The following C2CD5 variants were observed in gnomAD, a reference collection of about 807,000 sequenced individuals.
The protein encoded by C2CD5 is C2 calcium dependent domain containing 5, also known as C2 domain-containing protein 5.
C2CD5 carries 109 observed loss-of-function variants against 130.3 expected under a neutral mutation model. That is an observed-to-expected ratio of 0.84 (90% CI 0.72 to 0.98). The LOEUF (loss-of-function observed/expected upper bound fraction) is 0.98, where lower values mean the gene tolerates loss of function less well. Ranked by LOEUF, C2CD5 falls within the 50% of genes least tolerant of loss-of-function variation. The pLI is 0.00. For missense variants in C2CD5, 996 were observed against 1,261.8 expected (o/e 0.79, Z 3.19); for synonymous variants, 454 against 429.2 (o/e 1.06, Z -0.71).
chr12:22,484,849 A>G lies in C2CD5; in HGVS notation c.1398T>C (p.His466=), dbSNP rs1319569973. 1 of 1,584,554 alleles carries G rather than the reference A, an allele frequency of 6.3e-7. No homozygotes were observed. Residue 466 remains histidine, a synonymous_variant, in exon 13 of 27, where the codon CAT becomes CAC. Transcript: ENST00000446597. ...GCATATTCAGTTCATCATATGGTATATGACAAAATCCACAACGTGTAGGCA... is the reference window on the plus strand; with the variant it reads ...GCATATTCAGTTCATCATATGGTATGTGACAAAATCCACAACGTGTAGGCA... The part of the protein sequence containing the change: ...ENLPTRCGFC[H]IPYDELNMPF...
At chr12:22,472,513 C>T (rs11046438) in intron 17 of C2CD5, 166 bp from the exon 18 acceptor site, 14,755 of 613,100 alleles carry the variant, frequency 0.024, 1,368 homozygotes, top group African/African-American at 0.22. Flanking sequence ...TAAATTATCA[C>T]AGGTTTTTTT....
In C2CD5 at chr12:22,527,718, T is replaced by C. The variant is rs367588553; in HGVS notation, c.349+3A>G. 1.4e-6 allele frequency: 2 copies of C among 1,475,878 alleles called. No individual in the cohort carries two copies. Among genetic ancestry groups the C allele is most frequent in the Non-Finnish European group, 1.9e-6 (2 of 1,077,072 alleles). The allele number at this position is 1,475,878 out of a possible 1,614,324, so 91.4% of individuals were successfully genotyped here. On this transcript the variant is annotated splice_donor_region_variant and intron_variant, in intron 4 of 26. Transcript: ENST00000446597. The stretch of plus-strand genomic sequence containing the variant: ...TTTATAATACTTTCTTATTATTCCT[T>C]ACCATGTATGGTGTCATAAATTGGA...
intron 26 of C2CD5, among the ~76,000 whole-genome samples, chr12:22,451,242 A>G (rs558534662): frequency 1.3e-5 from 2 of 152,314 alleles, no homozygotes; most frequent in Non-Finnish European, 1.5e-5. Flanking sequence ...TAGATACAAA[A>G]TAAAACTACA....
At chr12:22,497,624 T>C (rs978204413) in intron 10 of C2CD5, 2 of 967,932 alleles carry the variant, frequency 2.1e-6, no homozygotes, top group African/African-American at 3.5e-5. Context: ...AAGATAAATT[T>C]CCCCTAATGA....
intron 5 of C2CD5, among the ~76,000 whole-genome samples, chr12:22,525,219 T>C (rs1007809626): frequency 6.6e-6 from 1 of 152,160 alleles, no homozygotes; most frequent in East Asian, 1.9e-4. Context: ...ATCCTACTAC[T>C]GCAGGCGGGC....
chr12:22,469,609 A>G, intron 22 of C2CD5, 100 bp downstream of exon 22: 1 of 603,890 alleles, frequency 1.7e-6, no homozygotes, highest in South Asian at 2.8e-5. Flanking sequence ...ATGAAGGATA[A>G]ATTTTCACCT....
In C2CD5 at chr12:22,509,063, A is replaced by T. The variant is rs1339901043; in HGVS notation, c.1039-2244T>A. 2.0e-5 allele frequency among the ~76,000 whole-genome samples: 3 copies of T among 151,796 alleles called. No individual in the cohort carries two copies. In the East Asian group the frequency reaches 5.8e-4, roughly 29 times the overall value. On this transcript the variant is annotated intron_variant, in intron 9 of 26. Coordinates refer to ENST00000446597, the MANE Select transcript of C2CD5 (RefSeq NM_001286176.2). Reference sequence around the variant, plus strand: ...GGCTAATTTTTTGTATTTTTTTAGTAGAGACGGGGTTTCACCTTGTTAGCC... The same window carrying T: ...GGCTAATTTTTTGTATTTTTTTAGTTGAGACGGGGTTTCACCTTGTTAGCC...
intron 22 of C2CD5, among the ~76,000 whole-genome samples, chr12:22,466,695 C>T (rs995305935): frequency 6.6e-6 from 1 of 152,146 alleles, no homozygotes; most frequent in Non-Finnish European, 1.5e-5. Context: ...TAAATAAGCA[C>T]GCAACACAAA....
In C2CD5 at chr12:22,544,350, G is replaced by A. The variant is rs1565832116; in HGVS notation, c.-60C>T. 8.3e-6 allele frequency: 4 copies of A among 483,846 alleles called. No homozygotes were observed. The East Asian group carries it at 1.1e-4, about 14-fold the overall frequency. 30.0% of individuals were successfully genotyped at this position (483,846 alleles called of 1,614,324 possible). A position where few individuals can be genotyped will look rare whatever the true frequency, so the allele number is the denominator to read the frequency against. On this transcript the variant is annotated 5_prime_UTR_variant, in exon 1 of 27. Coordinates refer to ENST00000446597, the MANE Select transcript of C2CD5 (RefSeq NM_001286176.2). ...CAGGAGGAAGGGTGCTGTCCCGCGC[G>A]GGTGCTGAGACCTCATTCCGGAGAG...
intron 2 of C2CD5, among the ~76,000 whole-genome samples, chr12:22,543,848 G>A (rs1952659415): frequency 6.6e-6 from 1 of 152,168 alleles, no homozygotes; most frequent in Admixed American, 6.5e-5. Flanking sequence ...AAGCCTCCCC[G>A]CGCAGCGGAC....
Position 22,535,327 on chromosome 12 carries a change from G to T in C2CD5, c.108C>A (p.Thr36=). The change falls in exon 3 of 27, where the codon ACC becomes ACA. Residue 36 remains threonine, a synonymous_variant. Coordinates refer to ENST00000446597, the MANE Select transcript of C2CD5 (RefSeq NM_001286176.2). ...DAFVEVKFGN[T]TFKTDVYLKS... ...TAAGGTACACATCTGTTTTAAAGGTGGTATTACCAAATTTTACCTAAAAAC... is the reference window on the plus strand; with the variant it reads ...TAAGGTACACATCTGTTTTAAAGGTTGTATTACCAAATTTTACCTAAAAAC... 1 of 1,578,714 alleles carries T rather than the reference G, an allele frequency of 6.3e-7. No individual in the cohort carries two copies. The highest frequency in any genetic ancestry group is 8.7e-7 in the Non-Finnish European group (1 of 1,149,810).
intron 26 of C2CD5, among the ~76,000 whole-genome samples, chr12:22,453,504 A>T (rs1286511263): frequency 6.6e-6 from 1 of 152,220 alleles, no homozygotes; most frequent in African/African-American, 2.4e-5. Context: ...AGCAAGCCTT[A>T]CTATGGCCTT....
intron 8 of C2CD5, among the ~76,000 whole-genome samples, chr12:22,516,335 C>A (rs1236608021): frequency 6.6e-6 from 1 of 151,332 alleles, no homozygotes; most frequent in Non-Finnish European, 1.5e-5. Flanking sequence ...GGCCAAGGGG[C>A]TGAAAACTGC....
chr12:22,491,072 T>C (rs1028827363), intron 11 of C2CD5, among the ~76,000 whole-genome samples: 3 of 152,212 alleles, frequency 2.0e-5, no homozygotes, highest in East Asian at 1.9e-4. Context: ...CAAGAAGTTA[T>C]AAGAGCAGAA....
intron 10 of C2CD5, among the ~76,000 whole-genome samples, 161 bp from the exon 11 acceptor site, chr12:22,493,498 G>C (rs1425188830): frequency 6.6e-6 from 1 of 152,034 alleles, no homozygotes; most frequent in Non-Finnish European, 1.5e-5. Flanking sequence ...AAAGGCATAA[G>C]ATTTAACCTT....
chr12:22,509,513 G>A lies in C2CD5; in HGVS notation c.1039-2694C>T, dbSNP rs556485279. ...CACATGTCCCCAGTTCACCTAATCG[G>A]CACACCAATTCACTCTAAAACACAA... On this transcript the variant is annotated intron_variant, in intron 9 of 26. Transcript: ENST00000446597. Among the ~76,000 whole-genome samples, 119 of 152,124 alleles carry A rather than the reference G, an allele frequency of 7.8e-4. 1 individual carries two copies. The highest frequency in any genetic ancestry group is 2.7e-3 in the African/African-American group (112 of 41,492).
At position 22,470,856 on chromosome 12, in the gene C2CD5, G is replaced by A; in HGVS notation, c.2414C>T (p.Thr805Ile). ...TFDKNQALQT[T>I]KTPVEKSLQR... is the part of the protein sequence containing the mutation. ...CAATGACTTTTCAACAGGGGTTTTT[G>A]TGGTTTGTAAAGCCTGATTTTTGTC... The change falls in exon 21 of 27, where the codon ACA becomes ATA. Residue 805 changes from threonine to isoleucine, a missense_variant. Thr to Ile is a moderately conservative substitution (Grantham distance 89, BLOSUM62 -1). Transcript: ENST00000446597. The A allele has an allele frequency of 6.2e-7, 1 of 1,612,056 alleles. No individual in the cohort carries two copies. The highest frequency in any genetic ancestry group is 1.1e-5 in the South Asian group (1 of 90,984).
At chr12:22,512,649 G>A (rs1402422298) in intron 9 of C2CD5, 11 of 1,476,042 alleles carry the variant, frequency 7.5e-6, no homozygotes, top group African/African-American at 5.7e-5. Flanking sequence ...AAACATACCC[G>A]CCTTCTACAG....
At chr12:22,473,787 C>T (rs181738127) in intron 16 of C2CD5, among the ~76,000 whole-genome samples, 124 of 152,234 alleles carry the variant, frequency 8.1e-4, no homozygotes, top group Admixed American at 1.3e-3. Context: ...GTAGAGCTGA[C>T]GCCACAAGTA....
Sources: gnomAD v4.1 joint callset for allele counts (sites outside exome capture counted in the v4.1 genomes callset) on GRCh38, gnomAD v4.1.1 for gene constraint, MANE v1.5 for transcripts, NCBI Gene and HGNC (gene_info 2026-07-23, HGNC 2026-07-21) for gene names.